MAP4K3: variants seen among roughly 807,000 people sequenced by gnomAD.
MAP4K3 encodes MAPK/ERK kinase kinase kinase 3.
Under a neutral mutation model 143.5 loss-of-function variants are expected in MAP4K3, and 94 were observed. That is an observed-to-expected ratio of 0.65 (90% confidence interval 0.55 to 0.78). The LOEUF is 0.78. MAP4K3 is among the 30% of genes least tolerant of loss of function. MAP4K3 has a pLI of 0.00. For missense variants in MAP4K3, 1,077 were observed against 1,068.1 expected, an observed-to-expected ratio of 1.01 and a Z score of -0.12; for synonymous variants, 416 against 347.2, an observed-to-expected ratio of 1.20 and a Z score of -2.20.
chr2:39,323,103 A>C (rs1405486678), intron 12 of MAP4K3, among the ~76,000 whole-genome samples: 1 of 152,240 alleles, frequency 6.6e-6, no homozygotes, highest in Non-Finnish European at 1.5e-5. Flanking sequence ...TAAAAAAGTT[A>C]TGAATTTCTC....
intron 19 of MAP4K3, among the ~76,000 whole-genome samples, chr2:39,289,778 G>C (rs1452365720): frequency 1.3e-5 from 2 of 152,130 alleles, no homozygotes; most frequent in African/African-American, 4.8e-5. Flanking sequence ...CCTAGGACTT[G>C]TTACTTAGAA....
At chr2:39,395,738 A>C (rs914886742) in intron 1 of MAP4K3, among the ~76,000 whole-genome samples, 2 of 152,216 alleles carry the variant, frequency 1.3e-5, no homozygotes, top group African/African-American at 4.8e-5. Context: ...TCATTATTCA[A>C]AGAATCAGAC....
At chr2:39,356,428 T>C (rs1665612996) in intron 2 of MAP4K3, 89 bp from the exon 3 acceptor site, 4 of 715,698 alleles carry the variant, frequency 5.6e-6, no homozygotes, top group Non-Finnish European at 9.8e-6. Context: ...ATTATACGTA[T>C]TAATAAGTAT....
intron 28 of MAP4K3, among the ~76,000 whole-genome samples, chr2:39,263,144 G>C (rs552698780): frequency 1.3e-5 from 2 of 152,080 alleles, no homozygotes; most frequent in East Asian, 3.9e-4. Context: ...AATGTCATTA[G>C]GAGGAAACAA....
intron 1 of MAP4K3, among the ~76,000 whole-genome samples, chr2:39,414,524 T>C (rs889320403): frequency 2.6e-5 from 4 of 152,216 alleles, no homozygotes; most frequent in Non-Finnish European, 5.9e-5. Context: ...TACCACCTGC[T>C]TGCAGATCTC....
intron 2 of MAP4K3, among the ~76,000 whole-genome samples, chr2:39,373,809 G>A (rs78996358): frequency 0.076 from 11,619 of 152,168 alleles, 620 homozygotes; most frequent in South Asian, 0.17. Context: ...AGGGCTTGGT[G>A]GGGGGGTAGA....
intron 4 of MAP4K3, among the ~76,000 whole-genome samples, chr2:39,342,597 G>C (rs980265690): frequency 9.2e-5 from 14 of 151,948 alleles, no homozygotes; most frequent in African/African-American, 3.4e-4. Context: ...TTTATGTTAA[G>C]TAAAACCTAT....
At chr2:39,435,152 C>G (rs1415157051) in intron 1 of MAP4K3, among the ~76,000 whole-genome samples, 1 of 152,196 alleles carries the variant, frequency 6.6e-6, no homozygotes, top group African/African-American at 2.4e-5. Context: ...TCCACTTCTA[C>G]TTTCACAGTC....
intron 13 of MAP4K3, among the ~76,000 whole-genome samples, chr2:39,314,666 T>C (rs1178660726): frequency 6.6e-6 from 1 of 152,208 alleles, no homozygotes; most frequent in East Asian, 1.9e-4. Context: ...CGAGGGATTC[T>C]TGTTGGCAGT....
chr2:39,280,132 T>C (rs1444295343), intron 23 of MAP4K3, 140 bp downstream of exon 23: 1 of 500,488 alleles, frequency 2.0e-6, no homozygotes, highest in Non-Finnish European at 3.6e-6. Flanking sequence ...GAAACATATT[T>C]ACCTTAAAAT....
chr2:39,347,542 T>G (rs1665327899), intron 3 of MAP4K3, among the ~76,000 whole-genome samples: 1 of 152,164 alleles, frequency 6.6e-6, no homozygotes, highest in Non-Finnish European at 1.5e-5. Flanking sequence ...GCACAATAAA[T>G]GTAAGTTGTT....
At chr2:39,423,643 C>T (rs926558791) in intron 1 of MAP4K3, among the ~76,000 whole-genome samples, 1 of 152,090 alleles carries the variant, frequency 6.6e-6, no homozygotes, top group East Asian at 1.9e-4. Flanking sequence ...ATGCATATTG[C>T]TAAGGGAAAG....
intron 27 of MAP4K3, among the ~76,000 whole-genome samples, chr2:39,266,703 A>T (rs1477201813): frequency 6.6e-6 from 1 of 152,152 alleles, no homozygotes; most frequent in African/African-American, 2.4e-5. Context: ...TAGTAACTTA[A>T]GGGAAAGAAA....
chr2:39,427,017 C>T (rs1252445688), intron 1 of MAP4K3, among the ~76,000 whole-genome samples: 1 of 151,914 alleles, frequency 6.6e-6, no homozygotes, highest in African/African-American at 2.4e-5. Context: ...CCACACATAA[C>T]ACTGTGAAAC....
chr2:39,408,310 T>G (rs1231191933), intron 1 of MAP4K3, among the ~76,000 whole-genome samples: 1 of 152,046 alleles, frequency 6.6e-6, no homozygotes, highest in Non-Finnish European at 1.5e-5. Flanking sequence ...ACTGAAGATG[T>G]CAAAATAGTC....
At chr2:39,416,913 C>T (rs939442974) in intron 1 of MAP4K3, among the ~76,000 whole-genome samples, 13 of 152,172 alleles carry the variant, frequency 8.5e-5, no homozygotes, top group African/African-American at 3.1e-4. Flanking sequence ...ACTACAAAAG[C>T]TCTCTGGGCC....
chr2:39,435,449 T>G (rs192264462), intron 1 of MAP4K3, among the ~76,000 whole-genome samples: 2 of 152,010 alleles, frequency 1.3e-5, no homozygotes, highest in Admixed American at 1.3e-4. Context: ...CATATCATGC[T>G]CCCCTATCTG....
chr2:39,286,445 C>G (rs1573097203), intron 21 of MAP4K3, among the ~76,000 whole-genome samples: 1 of 152,176 alleles, frequency 6.6e-6, no homozygotes, highest in Non-Finnish European at 1.5e-5. Context: ...GGGGTAGAAG[C>G]TACAGCTTTC....
At chr2:39,359,152 G>C (rs1001567196) in intron 2 of MAP4K3, among the ~76,000 whole-genome samples, 1 of 152,118 alleles carries the variant, frequency 6.6e-6, no homozygotes, top group Non-Finnish European at 1.5e-5. Flanking sequence ...ACAGGCATTG[G>C]GTAAATACAG....
Sources: allele counts gnomAD v4.1 joint callset (sites outside exome capture counted in the v4.1 genomes callset), GRCh38; gene constraint gnomAD v4.1.1; transcripts MANE v1.5; gene names NCBI Gene and HGNC (gene_info 2026-07-23, HGNC 2026-07-21).